Variants in CHODL observed in about 807,000 individuals in gnomAD.
CHODL encodes the protein chondrolectin, also known as transmembrane protein MT75.
A neutral mutation model predicts 34.5 loss-of-function variants in CHODL; 29 were observed. The ratio of observed to expected loss-of-function variants is 0.84; its 90% confidence interval spans 0.63 to 1.15. CHODL has a LOEUF of 1.15. Among genes scored for constraint, CHODL ranks in the 50% most tolerant of loss-of-function variants. The pLI is 0.00. For synonymous variants in CHODL, 125 were observed against 116.1 expected (o/e 1.08, Z -0.49); for missense variants, 332 against 332.5 (o/e 1.00, Z 0.01).
intron 2 of CHODL, among the ~76,000 whole-genome samples, chr21:18,198,219 A>G (rs961494751): frequency 1.3e-5 from 2 of 152,208 alleles, no homozygotes. Context: ...AGGTAGATAC[A>G]ATAGTTTATG....
At chr21:18,238,868 A>AT (rs1218598664) in intron 2 of CHODL, among the ~76,000 whole-genome samples, 1 of 152,130 alleles carries the variant, frequency 6.6e-6, no homozygotes, top group Non-Finnish European at 1.5e-5. Context: ...ATTACTTCTG[A>AT]TTTTTTAGTG....
At chr21:18,174,157 A>ATG (rs1555879241) in intron 2 of CHODL, among the ~76,000 whole-genome samples, 3,887 of 88,086 alleles carry the variant, frequency 0.044, 282 homozygotes, top group East Asian at 0.085. Context: ...ATATATATAT[A>ATG]TATAAAATCA....
chr21:17,923,038 A>G (rs1002145812), intron 1 of CHODL, among the ~76,000 whole-genome samples: 1 of 152,102 alleles, frequency 6.6e-6, no homozygotes, highest in Non-Finnish European at 1.5e-5. Flanking sequence ...TAGATAAGAA[A>G]CAAATGGTTA....
At chr21:18,108,836 G>GT (rs1435544772) in intron 2 of CHODL, among the ~76,000 whole-genome samples, 35 of 109,328 alleles carry the variant, frequency 3.2e-4, no homozygotes, top group African/African-American at 9.8e-4. Flanking sequence ...TCTTTGCAAT[G>GT]TTGTGTGTGT....
chr21:18,210,613 A>G lies in CHODL; in HGVS notation c.-44-45896A>G, dbSNP rs2073762383. Among the ~76,000 whole-genome samples the G allele has an allele frequency of 3.3e-5, 5 of 152,304 alleles. No individual in the cohort carries two copies. In the South Asian group the frequency reaches 6.2e-4, roughly 19 times the overall value. Reference sequence around the variant, plus strand: ...CTCTGACTCCTCTTTTCGCATCTCCAGTAGACCCATCCAGTCCAATCCATT... The same window carrying G: ...CTCTGACTCCTCTTTTCGCATCTCCGGTAGACCCATCCAGTCCAATCCATT... On this transcript the variant is annotated intron_variant, in intron 2 of 6. Coordinates refer to the CHODL transcript ENST00000400127.
intron 2 of CHODL, among the ~76,000 whole-genome samples, chr21:18,202,023 T>C (rs765522775): frequency 1.7e-4 from 26 of 152,012 alleles, no homozygotes; most frequent in Non-Finnish European, 3.1e-4. Context: ...GCCAGGATGA[T>C]CTCAATCTCC....
chr21:18,009,387 C>G (rs2063990316), intron 1 of CHODL, among the ~76,000 whole-genome samples: 1 of 151,858 alleles, frequency 6.6e-6, no homozygotes, highest in Non-Finnish European at 1.5e-5. Flanking sequence ...AGTACAAACC[C>G]AGGAGTTGAA....
intron 2 of CHODL, among the ~76,000 whole-genome samples, chr21:18,140,501 C>A (rs1389236196): frequency 6.6e-6 from 1 of 151,984 alleles, no homozygotes; most frequent in African/African-American, 2.4e-5. Context: ...CCCTTATAGA[C>A]CTATTCCACA....
At chr21:18,147,786 A>G (rs1329697538) in intron 2 of CHODL, among the ~76,000 whole-genome samples, 1 of 152,198 alleles carries the variant, frequency 6.6e-6, no homozygotes, top group Non-Finnish European at 1.5e-5. Context: ...CTTATCTAAT[A>G]GTTTCTCCCT....
intron 2 of CHODL, among the ~76,000 whole-genome samples, chr21:18,094,109 G>T (rs1449416231): frequency 6.6e-6 from 1 of 152,000 alleles, no homozygotes; most frequent in African/African-American, 2.4e-5. Context: ...GACAAAAACT[G>T]TAAGAAGAGA....
At chr21:18,153,026 C>G (rs2072990330) in intron 2 of CHODL, among the ~76,000 whole-genome samples, 1 of 152,162 alleles carries the variant, frequency 6.6e-6, no homozygotes, top group Admixed American at 6.5e-5. Context: ...CTAGACATAA[C>G]TGGTTAATTA....
At chr21:18,128,703 G>C (rs205694) in intron 2 of CHODL, among the ~76,000 whole-genome samples, 78,855 of 151,830 alleles carry the variant, frequency 0.52, 22,886 homozygotes, top group African/African-American at 0.78. Context: ...GGAATAGAGA[G>C]TAAGTTGATA....
intron 2 of CHODL, among the ~76,000 whole-genome samples, chr21:18,141,254 T>C (rs907760342): frequency 6.6e-6 from 1 of 152,076 alleles, no homozygotes; most frequent in Non-Finnish European, 1.5e-5. Flanking sequence ...GAAGTTTGCA[T>C]GATCATTGCT....
At chr21:18,213,923 G>A (rs754598195) in intron 2 of CHODL, among the ~76,000 whole-genome samples, 3 of 152,182 alleles carry the variant, frequency 2.0e-5, no homozygotes, top group Non-Finnish European at 4.4e-5. Flanking sequence ...CAAGTGGGAA[G>A]GAGGGAAAGA....
chr21:18,153,548 T>G (rs1202589503), intron 2 of CHODL, among the ~76,000 whole-genome samples: 3 of 152,130 alleles, frequency 2.0e-5, no homozygotes, highest in Non-Finnish European at 4.4e-5. Flanking sequence ...TTCCCTGCTT[T>G]TAAGGACTTA....
intron 2 of CHODL, among the ~76,000 whole-genome samples, chr21:18,124,328 G>A (rs1007434735): frequency 2.0e-5 from 3 of 152,048 alleles, no homozygotes; most frequent in Non-Finnish European, 4.4e-5. Context: ...ACCCTCCCCT[G>A]CCACTCCCAC....
At chr21:18,051,126 T>C (rs2064509622) in intron 2 of CHODL, among the ~76,000 whole-genome samples, 1 of 151,944 alleles carries the variant, frequency 6.6e-6, no homozygotes, top group South Asian at 2.1e-4. Context: ...CCCCTCCCTG[T>C]GTCCATGTGT....
At chr21:18,061,911 T>C (rs147511154) in intron 2 of CHODL, among the ~76,000 whole-genome samples, 4 of 152,300 alleles carry the variant, frequency 2.6e-5, no homozygotes, top group African/African-American at 7.2e-5. Context: ...ATGACAAAGA[T>C]ACAGTGTTTT....
chr21:18,090,756 G>A (rs1221157499), intron 2 of CHODL, among the ~76,000 whole-genome samples: 2 of 148,478 alleles, frequency 1.3e-5, no homozygotes, highest in Admixed American at 1.3e-4. Flanking sequence ...ACTAAGGCAG[G>A]TTACAGTATA....
Sources: allele counts gnomAD v4.1 joint callset (sites outside exome capture counted in the v4.1 genomes callset), GRCh38; gene constraint gnomAD v4.1.1; transcripts MANE v1.5; gene names NCBI Gene and HGNC (gene_info 2026-07-23, HGNC 2026-07-21).